Variants in COLEC10 observed in about 807,000 individuals in gnomAD.
COLEC10 encodes collectin-10.
A neutral mutation model predicts 28.4 loss-of-function variants in COLEC10; 22 were observed. The ratio of observed to expected loss-of-function variants is 0.78; its 90% CI spans 0.55 to 1.11. COLEC10 has a LOEUF of 1.11. Ranked by LOEUF, COLEC10 falls within the 50% of genes least tolerant of loss-of-function variation. The pLI is 0.00. For synonymous variants in COLEC10, 125 were observed against 116.1 expected, an observed-to-expected ratio of 1.08 and a Z score of -0.49; for missense variants, 361 against 344.1, an observed-to-expected ratio of 1.05 and a Z score of -0.39.
the COLEC10 span, among the ~76,000 whole-genome samples, chr8:118,988,773 C>A: frequency 6.6e-6 from 1 of 152,164 alleles, no homozygotes; most frequent in East Asian, 1.9e-4. Flanking sequence ...ACAGGGGAGC[C>A]AACAACAGAA....
chr8:119,039,880 C>T (rs188995189), intron 2 of COLEC10, among the ~76,000 whole-genome samples: 10 of 152,184 alleles, frequency 6.6e-5, no homozygotes, highest in Admixed American at 3.9e-4. Flanking sequence ...GTAGACAATC[C>T]GGGATAATCT....
Position 119,107,157 on chromosome 8 carries a change from A to G in COLEC10, c.*966A>G. Among the ~76,000 whole-genome samples, 1 of 152,188 alleles carries G rather than the reference A, an allele frequency of 6.6e-6. No individual in the cohort carries two copies. The highest frequency in any genetic ancestry group is 1.9e-4 in the East Asian group (1 of 5,192). ...CTGGAAGCTTCAAAGTGCTACCAAC[A>G]TCATCTCCAGGCCCCCTCATCCTTG... On this transcript the variant is annotated 3_prime_UTR_variant, in exon 6 of 6. Transcript: ENST00000332843.
At chr8:119,089,176 T>C (rs1459945100) in intron 1 of COLEC10, among the ~76,000 whole-genome samples, 1 of 152,206 alleles carries the variant, frequency 6.6e-6, no homozygotes, top group Non-Finnish European at 1.5e-5. Flanking sequence ...GGAGCTACAG[T>C]TGCCTATGAT....
upstream of COLEC10, among the ~76,000 whole-genome samples, chr8:118,992,818 C>T (rs1813525233): frequency 6.6e-6 from 1 of 152,082 alleles, no homozygotes; most frequent in Admixed American, 6.6e-5. Context: ...ATACCATAAA[C>T]AATATACATA....
At chr8:118,967,252 G>C in the COLEC10 span, among the ~76,000 whole-genome samples, 8 of 152,048 alleles carry the variant, frequency 5.3e-5, no homozygotes, top group South Asian at 1.7e-3. Context: ...GTCTGGTTCA[G>C]AACCATTAGC....
intron 2 of COLEC10, among the ~76,000 whole-genome samples, chr8:119,015,644 T>C (rs911517878): frequency 6.6e-6 from 1 of 152,170 alleles, no homozygotes; most frequent in African/African-American, 2.4e-5. Flanking sequence ...AACAATATGT[T>C]GGAATTTAGC....
At chr8:119,053,877 T>C (rs764012732) in intron 2 of COLEC10, among the ~76,000 whole-genome samples, 9 of 152,120 alleles carry the variant, frequency 5.9e-5, no homozygotes, top group Non-Finnish European at 1.3e-4. Flanking sequence ...TATTGAACCC[T>C]ATATATACTA....
At chr8:119,024,617 G>T (rs963807077) in intron 2 of COLEC10, among the ~76,000 whole-genome samples, 2 of 151,902 alleles carry the variant, frequency 1.3e-5, no homozygotes, top group African/African-American at 4.8e-5. Context: ...ATGACAGTGT[G>T]CAGCCACCTG....
rs1815938786 is a variant in COLEC10, at chr8:119,106,171, TTCA to T, written c.818_820del (p.Ile273del). On this transcript the variant is annotated inframe_deletion, in exon 6 of 6. Coordinates refer to ENST00000332843, the MANE Select transcript of COLEC10 (RefSeq NM_006438.5). ...TCTTACCATGTACTTTGTCTGTGAG[TTCA>T]TCAAGAAGAAAAAGTAACTTCCCTC... is the stretch of plus-strand genomic sequence containing the variant. The T allele has an allele frequency of 6.3e-7, 1 of 1,598,460 alleles. No individual in the cohort carries two copies.
chr8:119,097,586 T>G (rs1815745877), intron 3 of COLEC10, among the ~76,000 whole-genome samples: 1 of 152,150 alleles, frequency 6.6e-6, no homozygotes, highest in Non-Finnish European at 1.5e-5. Context: ...TTTTCCATTT[T>G]TAATTTTGTA....
intron 1 of COLEC10, among the ~76,000 whole-genome samples, chr8:119,001,099 G>A (rs1434902243): frequency 1.3e-5 from 2 of 152,152 alleles, no homozygotes; most frequent in Non-Finnish European, 1.5e-5. Flanking sequence ...CCTTTGGGGA[G>A]AATCGAAACT....
chr8:118,974,104 C>G, the COLEC10 span, among the ~76,000 whole-genome samples: 4 of 151,886 alleles, frequency 2.6e-5, no homozygotes, highest in Non-Finnish European at 4.4e-5. Context: ...TCTAAAAGGC[C>G]TTTCTAGTCT....
rs1814327318 is a variant in COLEC10, at chr8:119,033,362, C to CG, written n.235+23809_235+23810insG. On this transcript the variant is annotated intron_variant and non_coding_transcript_variant, in intron 2 of 6. Transcript: ENST00000521788. Reference sequence around the variant, plus strand: ...GGCAAAGACTTCATGACTATAACACCAAAGCAATGGCAACAACAGCCAAAA... The same window carrying CG: ...GGCAAAGACTTCATGACTATAACACCGAAAGCAATGGCAACAACAGCCAAAA... Among the ~76,000 whole-genome samples, 7 of 152,026 alleles carry CG rather than the reference C, an allele frequency of 4.6e-5. 1 individual carries two copies. In the South Asian group the frequency reaches 1.5e-3, roughly 32 times the overall value.
At chr8:119,100,117 A>G (rs1815795098) in intron 3 of COLEC10, among the ~76,000 whole-genome samples, 1 of 152,164 alleles carries the variant, frequency 6.6e-6, no homozygotes, top group African/African-American at 2.4e-5. Context: ...GAGGACTGCT[A>G]TTCTTTGCAA....
chr8:119,083,484 G>A (rs1166577777), intron 1 of COLEC10, among the ~76,000 whole-genome samples: 1 of 152,148 alleles, frequency 6.6e-6, no homozygotes, highest in African/African-American at 2.4e-5. Flanking sequence ...AAACTGTGGA[G>A]CTGTTAACTG....
the COLEC10 span, among the ~76,000 whole-genome samples, chr8:118,974,812 A>G: frequency 6.6e-6 from 1 of 152,026 alleles, no homozygotes; most frequent in Non-Finnish European, 1.5e-5. Flanking sequence ...CATTACTATC[A>G]TCTGGTATTC....
chr8:119,097,088 G>A (rs879375178), intron 3 of COLEC10, among the ~76,000 whole-genome samples: 1 of 152,022 alleles, frequency 6.6e-6, no homozygotes, highest in Non-Finnish European at 1.5e-5. Flanking sequence ...TTGAAAACTT[G>A]TAACACAGTT....
chr8:119,094,483 CA>C (rs1563742210), intron 3 of COLEC10, among the ~76,000 whole-genome samples: 1 of 151,882 alleles, frequency 6.6e-6, no homozygotes, highest in Admixed American at 6.6e-5. Flanking sequence ...TAGCTGGGTC[CA>C]AAAAAATATT....
chr8:119,038,579 G>A (rs1451638483), intron 2 of COLEC10, among the ~76,000 whole-genome samples: 1 of 152,204 alleles, frequency 6.6e-6, no homozygotes, highest in Non-Finnish European at 1.5e-5. Context: ...AAGTTGATAT[G>A]CATTTACTCT....
Sources: allele counts gnomAD v4.1 joint callset (sites outside exome capture counted in the v4.1 genomes callset), GRCh38; gene constraint gnomAD v4.1.1; transcripts MANE v1.5; gene names NCBI Gene and HGNC (gene_info 2026-07-23, HGNC 2026-07-21).